SERPINF1: variants seen among roughly 807,000 people sequenced by gnomAD.
The protein encoded by SERPINF1 is serpin family F member 1.
A neutral mutation model predicts 37.3 loss-of-function variants in SERPINF1; 29 were observed. The ratio of observed to expected loss-of-function variants is 0.78; its 90% CI spans 0.58 to 1.06. SERPINF1 has a LOEUF of 1.06. Among genes scored for constraint, SERPINF1 ranks in the 50% least tolerant of loss-of-function variants. SERPINF1 has a pLI of 0.00. For missense variants in SERPINF1, 553 were observed against 532.2 expected (o/e 1.04, Z -0.38); for synonymous variants, 281 against 227.9 (o/e 1.23, Z -2.10).
chr17:1,763,565 G>A (rs75485157), intron 1 of SERPINF1, among the ~76,000 whole-genome samples: 4,390 of 152,358 alleles, frequency 0.029, 220 homozygotes, highest in African/African-American at 0.1. Flanking sequence ...TATTGCGTGT[G>A]TGCTGAGGGG....
At chr17:1,776,344 G>A (rs1032948305) in intron 6 of SERPINF1, 188 bp from the exon 7 acceptor site, 9 of 641,162 alleles carry the variant, frequency 1.4e-5, no homozygotes, top group Non-Finnish European at 2.5e-5. Flanking sequence ...CCTTTCTGAA[G>A]AAACCTCAGG....
chr17:1,769,548 G>A (rs1175171697), intron 2 of SERPINF1: 13 of 465,038 alleles, frequency 2.8e-5, no homozygotes, highest in South Asian at 6.4e-5. Context: ...CGCTTGAACC[G>A]GGGAGGTGGA....
chr17:1,771,396 C>A (rs1476552325), intron 4 of SERPINF1, among the ~76,000 whole-genome samples: 2 of 151,786 alleles, frequency 1.3e-5, no homozygotes, highest in Non-Finnish European at 2.9e-5. Context: ...CTGCAGGTGC[C>A]CAGCTAATCT....
intron 1 of SERPINF1, among the ~76,000 whole-genome samples, chr17:1,765,144 T>A (rs1907297202): frequency 3.9e-5 from 2 of 51,906 alleles, no homozygotes. Flanking sequence ...GCGCCTGGCC[T>A]TTTTTTTTTT....
chr17:1,775,926 G>A (rs755539704), intron 6 of SERPINF1, among the ~76,000 whole-genome samples: 6 of 152,324 alleles, frequency 3.9e-5, no homozygotes, highest in East Asian at 1.9e-4. Context: ...GCTATCACAC[G>A]GATCTCTCTG....
rs1908114577 is a variant in SERPINF1, at chr17:1,777,443, C to G, written c.1254C>G (p.Pro418=). 1 of 1,614,112 alleles carries G rather than the reference C, an allele frequency of 6.2e-7. No individual in the cohort carries two copies. The highest frequency in any genetic ancestry group is 8.5e-7 in the Non-Finnish European group (1 of 1,180,024). ...GCAAGATTCTGGACCCCAGGGGCCC[C>G]TAATATCCCAGTTTAATATTCCAAT... ...FIGKILDPRG[P] The change falls in exon 8 of 8, where the codon CCC becomes CCG. Residue 418 remains proline, a synonymous_variant. Transcript: ENST00000254722.
Position 1,769,863 on chromosome 17 carries a change from C to A in SERPINF1, c.96C>A (p.Asp32Glu). ...CTGTCTCCTGCCAGGGCTCCCCAGACCCCGACAGCACAGGGGCGCTGGTGG... is the reference window on the plus strand; with the variant it reads ...CTGTCTCCTGCCAGGGCTCCCCAGAACCCGACAGCACAGGGGCGCTGGTGG... ...PASPPEEGSP[D>E]PDSTGALVEE... Residue 32 changes from aspartate (D) to glutamate (E), a missense_variant, in exon 3 of 8, where the codon GAC becomes GAA. Transcript: ENST00000254722. The A allele has an allele frequency of 6.2e-7, 1 of 1,614,232 alleles. No homozygotes were observed. Among genetic ancestry groups the A allele is most frequent in the Non-Finnish European group, 8.5e-7 (1 of 1,180,040 alleles).
intron 1 of SERPINF1, among the ~76,000 whole-genome samples, chr17:1,763,431 C>T (rs947505725): frequency 2.0e-5 from 3 of 152,210 alleles, no homozygotes; most frequent in Non-Finnish European, 4.4e-5. Context: ...CTGAGCCCTC[C>T]CCCGCCTGCT....
intron 1 of SERPINF1, among the ~76,000 whole-genome samples, chr17:1,762,627 ACC>A: frequency 6.6e-6 from 1 of 152,200 alleles, no homozygotes; most frequent in Non-Finnish European, 1.5e-5. Flanking sequence ...ATTTCCCAGC[ACC>A]ACCAAACCGC....
At chr17:1,775,547 CTTTT>C (rs148801713) in intron 6 of SERPINF1, among the ~76,000 whole-genome samples, 2 of 142,970 alleles carry the variant, frequency 1.4e-5, no homozygotes, top group East Asian at 2.0e-4. Context: ...TCGTTGGCAT[CTTTT>C]TTTTTTTTTT....
chr17:1,772,390 A>G (rs1288711833), intron 5 of SERPINF1, among the ~76,000 whole-genome samples: 1 of 151,964 alleles, frequency 6.6e-6, no homozygotes, highest in Non-Finnish European at 1.5e-5. Context: ...TGCTAGGATT[A>G]CAAGCTTGAG....
chr17:1,770,292 T>A (rs768079977), intron 3 of SERPINF1, among the ~76,000 whole-genome samples: 8 of 152,172 alleles, frequency 5.3e-5, no homozygotes, highest in Non-Finnish European at 8.8e-5. Context: ...GTTCGCTTAT[T>A]GACACAGTGA....
rs532820454 is a variant in SERPINF1 at position 1,769,493 on chromosome 17, G to A, written c.85-359G>A. Among the ~76,000 whole-genome samples the A allele has an allele frequency of 2.6e-5, 4 of 152,142 alleles. No individual in the cohort carries two copies. The East Asian group carries it at 5.8e-4, about 22-fold the overall frequency. ...TGGCCATGAGGCCAGGCGCAGTGGC[G>A]CATGCCTGTAATCCCAGCCATTTGG... On this transcript the variant is annotated intron_variant, in intron 2 of 7. Coordinates refer to ENST00000254722, the MANE Select transcript of SERPINF1 (RefSeq NM_002615.7).
intron 2 of SERPINF1, among the ~76,000 whole-genome samples, chr17:1,769,326 G>T (rs912103893): frequency 2.6e-5 from 4 of 151,528 alleles, no homozygotes; most frequent in Non-Finnish European, 5.9e-5. Context: ...GGAGAATGGC[G>T]TGAACCCGGG....
At chr17:1,766,865 G>GTGGGTAGC (rs762678362) in intron 1 of SERPINF1, 38 bp from the exon 2 acceptor site, 16 of 1,535,498 alleles carry the variant, frequency 1.0e-5, no homozygotes, top group Middle Eastern at 3.4e-4. Context: ...GTGCAGTGTC[G>GTGGGTAGC]GGGGAGAGCG....
intron 2 of SERPINF1, among the ~76,000 whole-genome samples, chr17:1,767,553 A>G (rs1416772704): frequency 6.6e-6 from 1 of 152,164 alleles, no homozygotes; most frequent in Non-Finnish European, 1.5e-5. Context: ...GAGGGTATGG[A>G]GTGACCTCTC....
At chr17:1,771,657 G>T in intron 4 of SERPINF1, 1 of 608,746 alleles carries the variant, frequency 1.6e-6, no homozygotes, top group South Asian at 1.8e-5. Context: ...GGTGGGAGGG[G>T]CAGGGAGGGC....
intron 1 of SERPINF1, among the ~76,000 whole-genome samples, chr17:1,763,474 G>A (rs1907206741): frequency 6.6e-6 from 1 of 152,206 alleles, no homozygotes; most frequent in Non-Finnish European, 1.5e-5. Flanking sequence ...ACTGCCCTTT[G>A]GACAGGATGG....
chr17:1,762,760 C>G (rs565340372), intron 1 of SERPINF1: 2 of 152,346 alleles, frequency 1.3e-5, no homozygotes, highest in Non-Finnish European at 2.9e-5. Flanking sequence ...TTGTGGCCTC[C>G]GGCAAACAAT....
Sources: allele counts gnomAD v4.1 joint callset (sites outside exome capture counted in the v4.1 genomes callset), GRCh38; gene constraint gnomAD v4.1.1; transcripts MANE v1.5; gene names NCBI Gene and HGNC (gene_info 2026-07-23, HGNC 2026-07-21).